HHAT: variants seen among roughly 807,000 people sequenced by gnomAD.
HHAT encodes hedgehog acyltransferase.
A neutral mutation model predicts 70.8 loss-of-function variants in HHAT; 47 were observed. The observed-to-expected ratio is 0.66, with a 90% CI of 0.53 to 0.85. The LOEUF is 0.85. Among genes scored for constraint, HHAT ranks in the 40% least tolerant of loss-of-function variants. The probability of loss-of-function intolerance (pLI) is 0.00; values close to 1 mark genes in which losing one functional copy is unlikely to be tolerated. For synonymous variants in HHAT, 228 were observed against 247.6 expected (o/e 0.92, Z 0.74); for missense variants, 609 against 604.8 (o/e 1.01, Z -0.07).
chr1:210,468,705 C>G (rs896305617), intron 8 of HHAT, among the ~76,000 whole-genome samples: 3 of 152,022 alleles, frequency 2.0e-5, no homozygotes, highest in Non-Finnish European at 4.4e-5. Context: ...ATTAGTACTG[C>G]CTTTGAATCA....
At position 210,606,953 on chromosome 1, in the gene HHAT, C is replaced by T. The variant is rs377240672; in HGVS notation, c.1246-16573C>T. ...TACTGCGAACATCTTCGGTATATATCTAAAATTTTACTGTGCCCATTGTCC... is the reference window on the plus strand; with the variant it reads ...TACTGCGAACATCTTCGGTATATATTTAAAATTTTACTGTGCCCATTGTCC... On this transcript the variant is annotated intron_variant, in intron 10 of 11. Transcript: ENST00000261458. Among the ~76,000 whole-genome samples the T allele has an allele frequency of 1.8e-4, 28 of 152,326 alleles. No homozygotes were observed. In the East Asian group the frequency reaches 4.4e-3, roughly 24 times the overall value.
intron 8 of HHAT, among the ~76,000 whole-genome samples, chr1:210,466,492 A>G (rs1225516607): frequency 6.6e-6 from 1 of 152,260 alleles, no homozygotes; most frequent in Non-Finnish European, 1.5e-5. Context: ...GGGACCCAGC[A>G]TGATTTGGGA....
intron 10 of HHAT, among the ~76,000 whole-genome samples, chr1:210,620,463 G>A (rs1161222614): frequency 6.6e-6 from 1 of 152,222 alleles, no homozygotes; most frequent in Non-Finnish European, 1.5e-5. Context: ...GAACCTGACA[G>A]ATCCCACCCC....
At chr1:210,665,861 C>T (rs1158550865) in intron 11 of HHAT, among the ~76,000 whole-genome samples, 1 of 152,148 alleles carries the variant, frequency 6.6e-6, no homozygotes, top group African/African-American at 2.4e-5. Context: ...AGTTATTTAC[C>T]TTTCTGAGCC....
At chr1:210,563,286 A>G (rs746127380) in intron 9 of HHAT, among the ~76,000 whole-genome samples, 10 of 152,218 alleles carry the variant, frequency 6.6e-5, no homozygotes, top group Non-Finnish European at 1.3e-4. Flanking sequence ...GAGCAACTGT[A>G]TAATTATCCA....
At chr1:210,504,022 T>C (rs2094808043) in intron 8 of HHAT, among the ~76,000 whole-genome samples, 1 of 152,276 alleles carries the variant, frequency 6.6e-6, no homozygotes, top group African/African-American at 2.4e-5. Context: ...CATCAATCAA[T>C]TGGATTTTTG....
chr1:210,364,613 A>G (rs1338468225), intron 3 of HHAT, among the ~76,000 whole-genome samples: 1 of 152,270 alleles, frequency 6.6e-6, no homozygotes, highest in African/African-American at 2.4e-5. Context: ...CACAGATTTC[A>G]TGATCAAGGG....
At chr1:210,450,625 A>G (rs2093734064) in intron 7 of HHAT, among the ~76,000 whole-genome samples, 2 of 141,300 alleles carry the variant, frequency 1.4e-5, no homozygotes, top group Middle Eastern at 3.5e-3. Flanking sequence ...TTTTTTTTAC[A>G]TACCCCAAGG....
chr1:210,610,708 G>T (rs1308389346), intron 10 of HHAT, among the ~76,000 whole-genome samples: 1 of 152,002 alleles, frequency 6.6e-6, no homozygotes, highest in Non-Finnish European at 1.5e-5. Flanking sequence ...TAAGGAAGAG[G>T]TCCAGTTTCA....
At chr1:210,486,330 A>T (rs1461041313) in intron 8 of HHAT, among the ~76,000 whole-genome samples, 1 of 152,216 alleles carries the variant, frequency 6.6e-6, no homozygotes, top group African/African-American at 2.4e-5. Context: ...ATTCCTCCTA[A>T]GACTACATTA....
intron 11 of HHAT, among the ~76,000 whole-genome samples, chr1:210,636,949 C>A (rs1271013675): frequency 1.3e-5 from 2 of 152,166 alleles, no homozygotes; most frequent in Non-Finnish European, 2.9e-5. Context: ...GAATCAGACA[C>A]AATTGAGCCA....
At chr1:210,603,350 T>C (rs1482673363) in intron 10 of HHAT, among the ~76,000 whole-genome samples, 2 of 152,148 alleles carry the variant, frequency 1.3e-5, no homozygotes, top group Non-Finnish European at 2.9e-5. Flanking sequence ...GAGTCTCTGG[T>C]CTCTGTTTCT....
intron 8 of HHAT, among the ~76,000 whole-genome samples, chr1:210,480,992 C>G (rs2094387258): frequency 6.6e-6 from 1 of 152,138 alleles, no homozygotes. Context: ...GTGAACAAAA[C>G]AGGCAAAAGC....
chr1:210,421,536 C>T (rs1358305837), intron 7 of HHAT, among the ~76,000 whole-genome samples: 1 of 152,198 alleles, frequency 6.6e-6, no homozygotes, highest in Non-Finnish European at 1.5e-5. Flanking sequence ...ACCTCCACCT[C>T]CTGAGTTGAA....
chr1:210,616,916 T>C (rs772334377), intron 10 of HHAT, among the ~76,000 whole-genome samples: 3 of 152,256 alleles, frequency 2.0e-5, no homozygotes, highest in Admixed American at 6.5e-5. Context: ...AAAACATAGA[T>C]TGATATTGTC....
At chr1:210,462,981 G>T (rs1558565961) in intron 7 of HHAT, 1 of 152,216 alleles carries the variant, frequency 6.6e-6, no homozygotes, top group Non-Finnish European at 1.5e-5. Flanking sequence ...TTTCTGCACA[G>T]TGGGGCGGGC....
At chr1:210,668,492 G>C (rs560350218) in intron 11 of HHAT, among the ~76,000 whole-genome samples, 58 of 152,312 alleles carry the variant, frequency 3.8e-4, no homozygotes, top group African/African-American at 1.3e-3. Context: ...ATAAAGGGCA[G>C]TTCCCCCGCA....
intron 11 of HHAT, among the ~76,000 whole-genome samples, chr1:210,663,197 C>G (rs1678138878): frequency 6.6e-6 from 1 of 152,206 alleles, no homozygotes; most frequent in Non-Finnish European, 1.5e-5. Flanking sequence ...TCTCCCACCA[C>G]AGCGACAAGA....
At chr1:210,592,410 T>C (rs1661937382) in intron 10 of HHAT, among the ~76,000 whole-genome samples, 1 of 152,102 alleles carries the variant, frequency 6.6e-6, no homozygotes, top group Non-Finnish European at 1.5e-5. Context: ...TTTTGCCCAA[T>C]ACTGTACTAT....
Sources: gnomAD v4.1 joint callset for allele counts (sites outside exome capture counted in the v4.1 genomes callset) on GRCh38, gnomAD v4.1.1 for gene constraint, MANE v1.5 for transcripts, NCBI Gene and HGNC (gene_info 2026-07-23, HGNC 2026-07-21) for gene names.